Variants in ASAP1 observed in about 807,000 individuals in gnomAD.
The protein encoded by ASAP1 is ArfGAP with SH3 domain, ankyrin repeat and PH domain 1, also known as arf-GAP with SH3 domain, ANK repeat and PH domain-containing protein 1.
Under a neutral mutation model 145.2 loss-of-function variants are expected in ASAP1, and 43 were observed. The ratio of observed to expected loss-of-function variants is 0.30; its 90% CI spans 0.23 to 0.38. The LOEUF is 0.38. Ranked by LOEUF, ASAP1 falls within the 10% of genes least tolerant of loss-of-function variation. The probability of loss-of-function intolerance (pLI) is 1.00; values close to 1 mark genes in which losing one functional copy is unlikely to be tolerated. For synonymous variants in ASAP1, 546 were observed against 515.5 expected (o/e 1.06, Z -0.80); for missense variants, 1,018 against 1,355.3 (o/e 0.75, Z 3.91).
intron 1 of ASAP1, among the ~76,000 whole-genome samples, chr8:130,412,493 C>T (rs1051412435): frequency 2.6e-5 from 4 of 151,856 alleles, no homozygotes; most frequent in African/African-American, 4.8e-5. Flanking sequence ...CCCCAGAAGC[C>T]GAGCAGATGC....
intron 20 of ASAP1, among the ~76,000 whole-genome samples, chr8:130,117,479 C>T (rs2097558168): frequency 2.0e-5 from 3 of 152,136 alleles, no homozygotes; most frequent in Admixed American, 1.3e-4. Context: ...TGTCTATGTA[C>T]CATTTTTCCT....
At chr8:130,394,185 T>C (rs143930961) in intron 2 of ASAP1, among the ~76,000 whole-genome samples, 2,304 of 152,208 alleles carry the variant, frequency 0.015, 34 homozygotes, top group East Asian at 0.027. Context: ...ACCGGTGAGC[T>C]GGGCGGAACA....
At chr8:130,276,676 C>T (rs1820901193) in intron 3 of ASAP1, among the ~76,000 whole-genome samples, 1 of 129,568 alleles carries the variant, frequency 7.7e-6, no homozygotes, top group African/African-American at 2.9e-5. Flanking sequence ...GAACTGAGAG[C>T]CAAGACTGCA....
chr8:130,115,133 T>C (rs7010678), intron 23 of ASAP1, among the ~76,000 whole-genome samples: 3,116 of 152,320 alleles, frequency 0.02, 48 homozygotes, highest in East Asian at 0.065. Context: ...GATGTTGCTG[T>C]AAAGGAATTT....
At chr8:130,102,167 T>G (rs913564294) in intron 24 of ASAP1, among the ~76,000 whole-genome samples, 1 of 152,220 alleles carries the variant, frequency 6.6e-6, no homozygotes, top group South Asian at 2.1e-4. Flanking sequence ...GGCATCCTTG[T>G]CTTCTTCCAG....
Position 130,273,086 on chromosome 8 carries a change from T to C in ASAP1, c.187-36092A>G, listed in dbSNP as rs536925798. Reference sequence around the variant, plus strand: ...ACCTCATAATTACACATCCTATGCATGTAAGAAAATTTCACATGTACCCCA... The same window carrying C: ...ACCTCATAATTACACATCCTATGCACGTAAGAAAATTTCACATGTACCCCA... On this transcript the variant is annotated intron_variant, in intron 3 of 29. Coordinates refer to ENST00000518721, the MANE Select transcript of ASAP1 (RefSeq NM_018482.4). 3.9e-5 allele frequency among the ~76,000 whole-genome samples: 6 copies of C among 152,294 alleles called. No individual in the cohort carries two copies. In the South Asian group the frequency reaches 1.2e-3, roughly 32 times the overall value.
intron 12 of ASAP1, among the ~76,000 whole-genome samples, chr8:130,153,359 G>GTATATATATATATATATATATATGTA (rs2097651386): frequency 1.7e-3 from 50 of 28,844 alleles, no homozygotes; most frequent in Non-Finnish European, 2.7e-3. Flanking sequence ...ATATATATAT[G>GTATATATATATATATATATATATGTA]TATATATATA....
chr8:130,100,468 T>A (rs2135489571), intron 24 of ASAP1, among the ~76,000 whole-genome samples: 1 of 152,222 alleles, frequency 6.6e-6, no homozygotes, highest in East Asian at 1.9e-4. Context: ...TAGCTGGGAT[T>A]ACAGGTGTAT....
chr8:130,065,871 T>C (rs2097429657), intron 27 of ASAP1, among the ~76,000 whole-genome samples: 1 of 152,194 alleles, frequency 6.6e-6, no homozygotes, highest in African/African-American at 2.4e-5. Flanking sequence ...GGTCTACCGC[T>C]ATTGGACCTT....
At chr8:130,299,793 A>G (rs1822512043) in intron 3 of ASAP1, among the ~76,000 whole-genome samples, 1 of 152,234 alleles carries the variant, frequency 6.6e-6, no homozygotes. Context: ...AGAAAAATAA[A>G]TTCCTATAAA....
chr8:130,242,287 C>CTT (rs80098648), intron 3 of ASAP1, among the ~76,000 whole-genome samples: 57 of 110,950 alleles, frequency 5.1e-4, no homozygotes, highest in African/African-American at 1.9e-3. Context: ...AAAAAAACAA[C>CTT]TTTTTTTTTT....
intron 1 of ASAP1, among the ~76,000 whole-genome samples, chr8:130,408,312 G>GAGTA (rs754143541): frequency 2.0e-5 from 3 of 152,362 alleles, no homozygotes; most frequent in Non-Finnish European, 2.9e-5. Flanking sequence ...GAGTAAGGAA[G>GAGTA]AGTACCCTTC....
At chr8:130,088,728 C>T (rs1052347656) in intron 25 of ASAP1, among the ~76,000 whole-genome samples, 16 of 152,176 alleles carry the variant, frequency 1.1e-4, no homozygotes, top group African/African-American at 3.9e-4. Flanking sequence ...GCAGGTTTCT[C>T]CCATCTCTAG....
intron 27 of ASAP1, among the ~76,000 whole-genome samples, chr8:130,062,044 A>G (rs1286766180): frequency 6.6e-6 from 1 of 152,232 alleles, no homozygotes; most frequent in East Asian, 1.9e-4. Flanking sequence ...GGGTTAATAT[A>G]TGCAAAGAAT....
intron 3 of ASAP1, among the ~76,000 whole-genome samples, chr8:130,322,248 A>C (rs1207236812): frequency 1.3e-5 from 2 of 152,122 alleles, no homozygotes; most frequent in Non-Finnish European, 2.9e-5. Flanking sequence ...ATAAAAATTC[A>C]TACTCAGGTT....
intron 1 of ASAP1, among the ~76,000 whole-genome samples, chr8:130,420,877 G>A (rs964944132): frequency 2.8e-5 from 4 of 144,598 alleles, no homozygotes; most frequent in East Asian, 2.0e-4. Context: ...TGGGCAAAAA[G>A]AGCAAAACTC....
intron 2 of ASAP1, among the ~76,000 whole-genome samples, chr8:130,359,618 G>GTTTT (rs35447783): frequency 2.2e-5 from 3 of 134,164 alleles, no homozygotes; most frequent in Admixed American, 7.4e-5. Context: ...ATCTTGCACT[G>GTTTT]TTTTTTTTTT....
At chr8:130,071,965 T>C (rs72722310) in intron 27 of ASAP1, among the ~76,000 whole-genome samples, 8,640 of 152,314 alleles carry the variant, frequency 0.057, 329 homozygotes, top group Non-Finnish European at 0.082. Context: ...TCATCTGTTA[T>C]TATGTTAGGT....
chr8:130,415,741 T>A lies in ASAP1; in HGVS notation c.-27-13771A>T, dbSNP rs373516805. ...AGGCGGAGGTTGCAGTGAGCCAAGATCACACTCCAGCCTGGGCAACAAGAG... is the reference window on the plus strand; with the variant it reads ...AGGCGGAGGTTGCAGTGAGCCAAGAACACACTCCAGCCTGGGCAACAAGAG... On this transcript the variant is annotated intron_variant, in intron 1 of 29. Coordinates refer to ENST00000518721, the MANE Select transcript of ASAP1 (RefSeq NM_018482.4). Among the ~76,000 whole-genome samples, 96 of 142,668 alleles carry A rather than the reference T, an allele frequency of 6.7e-4. 1 individual carries two copies. The highest frequency in any genetic ancestry group is 2.4e-3 in the African/African-American group (90 of 37,692). 93.6% of individuals were successfully genotyped at this position (142,668 alleles called of 152,430 possible).
Sources: allele counts gnomAD v4.1 joint callset (sites outside exome capture counted in the v4.1 genomes callset), GRCh38; gene constraint gnomAD v4.1.1; transcripts MANE v1.5; gene names NCBI Gene and HGNC (gene_info 2026-07-23, HGNC 2026-07-21).